NPTN: variants seen among roughly 807,000 people sequenced by gnomAD.
NPTN encodes the protein neuroplastin.
Under a neutral mutation model 42.7 loss-of-function variants are expected in NPTN, and 5 were observed. That is an observed-to-expected ratio of 0.12 (90% CI 0.06 to 0.25). The LOEUF is 0.25. Among genes scored for constraint, NPTN ranks in the 10% least tolerant of loss-of-function variants. The pLI is 1.00. For synonymous variants in NPTN, 180 were observed against 201.9 expected (o/e 0.89, Z 0.92); for missense variants, 307 against 525.4 (o/e 0.58, Z 4.06).
chr15:73,592,690 T>C (rs1040685658), intron 2 of NPTN, among the ~76,000 whole-genome samples: 8 of 152,210 alleles, frequency 5.3e-5, no homozygotes, highest in Admixed American at 4.6e-4. Context: ...AAACTTCCTA[T>C]TGGAAGTCAC....
chr15:73,588,085 CA>C (rs1566970520), intron 3 of NPTN, among the ~76,000 whole-genome samples: 1 of 152,084 alleles, frequency 6.6e-6, no homozygotes, highest in Non-Finnish European at 1.5e-5. Flanking sequence ...ACTAAAACTA[CA>C]AAAATTAGCC....
intron 1 of NPTN, among the ~76,000 whole-genome samples, chr15:73,623,803 A>C: frequency 6.6e-6 from 1 of 152,212 alleles, no homozygotes; most frequent in East Asian, 1.9e-4. Flanking sequence ...CTATGTAAGA[A>C]AGAGATCATT....
chr15:73,626,031 G>A (rs775252471), intron 1 of NPTN, among the ~76,000 whole-genome samples: 1 of 152,162 alleles, frequency 6.6e-6, no homozygotes. Flanking sequence ...TGCCTTCTTC[G>A]ACTATAATGG....
chr15:73,622,867 C>A (rs1898202672), intron 1 of NPTN, among the ~76,000 whole-genome samples: 1 of 152,110 alleles, frequency 6.6e-6, no homozygotes, highest in African/African-American at 2.4e-5. Context: ...CATTTTTGAT[C>A]TGAAATTCAA....
intron 1 of NPTN, among the ~76,000 whole-genome samples, chr15:73,614,068 T>C (rs993268628): frequency 6.6e-6 from 1 of 151,152 alleles, no homozygotes; most frequent in African/African-American, 2.5e-5. Flanking sequence ...TCCCAGAACT[T>C]TGGGAGGCTG....
At chr15:73,580,400 T>A (rs999193915) in intron 4 of NPTN, among the ~76,000 whole-genome samples, 14 of 104,728 alleles carry the variant, frequency 1.3e-4, no homozygotes, top group Non-Finnish European at 2.4e-4. Flanking sequence ...AATATATATA[T>A]TATATATATA....
At chr15:73,622,791 C>G (rs1363702221) in intron 1 of NPTN, among the ~76,000 whole-genome samples, 2 of 152,222 alleles carry the variant, frequency 1.3e-5, no homozygotes, top group African/African-American at 4.8e-5. Flanking sequence ...TAAGTTCTAA[C>G]TGGAAGGCCA....
At chr15:73,562,785 C>T (rs916816040) in intron 7 of NPTN, among the ~76,000 whole-genome samples, 1 of 151,956 alleles carries the variant, frequency 6.6e-6, no homozygotes, top group African/African-American at 2.4e-5. Flanking sequence ...ATACAGGGAC[C>T]CTTTTACTAC....
chr15:73,603,455 A>G (rs1035263892), intron 1 of NPTN, among the ~76,000 whole-genome samples: 5 of 152,244 alleles, frequency 3.3e-5, no homozygotes, highest in African/African-American at 4.8e-5. Flanking sequence ...TGTTAACTGC[A>G]GAAGGGAATG....
Position 73,570,103 on chromosome 15 carries a change from A to C in NPTN, c.1114+47T>G. ...TCTTTGGGTACTTGGAAACCACCCGAAGGAACCAACCCCAGCAGTACAGCT... is the reference window on the plus strand; with the variant it reads ...TCTTTGGGTACTTGGAAACCACCCGCAGGAACCAACCCCAGCAGTACAGCT... On this transcript the variant is annotated intron_variant, in intron 6 of 8. Transcript: ENST00000345330. This position sits in a 1 kb window ranked among gnomAD's most constrained non-coding sequence, Gnocchi z 4.0. The C allele has an allele frequency of 6.5e-7, 1 of 1,535,278 alleles. No homozygotes were observed. The highest frequency in any genetic ancestry group is 8.8e-7 in the Non-Finnish European group (1 of 1,140,390).
chr15:73,609,918 A>G (rs1348623094), intron 1 of NPTN, among the ~76,000 whole-genome samples: 1 of 152,100 alleles, frequency 6.6e-6, no homozygotes, highest in Non-Finnish European at 1.5e-5. Context: ...AGTATTTTCT[A>G]TTTTAGCAAC....
At chr15:73,607,601 G>T (rs1227427740) in intron 1 of NPTN, among the ~76,000 whole-genome samples, 1 of 152,154 alleles carries the variant, frequency 6.6e-6, no homozygotes, top group Non-Finnish European at 1.5e-5. Context: ...TGACCAGAGG[G>T]AAATTCAAGT....
Position 73,633,292 on chromosome 15 carries a change from G to T in NPTN, c.-77C>A. 1 of 977,480 alleles carries T rather than the reference G, an allele frequency of 1.0e-6. No individual in the cohort carries two copies. Among genetic ancestry groups the T allele is most frequent in the Admixed American group, 3.6e-5 (1 of 28,132 alleles). The allele number at this position is 977,480 out of a possible 1,614,324, so 60.6% of individuals were successfully genotyped here. A position where few individuals can be genotyped will look rare whatever the true frequency, so the allele number is the denominator to read the frequency against. On this transcript the variant is annotated 5_prime_UTR_variant, in exon 1 of 9. Coordinates refer to ENST00000345330, the MANE Select transcript of NPTN (RefSeq NM_012428.4). ...CGGGGAAGGGAGGGGAGGGAGGGAG[G>T]GGGCGGGCGAGTGCGCGAGGGAGTG...
intron 1 of NPTN, among the ~76,000 whole-genome samples, chr15:73,604,396 C>A (rs1016387243): frequency 1.6e-4 from 25 of 152,158 alleles, no homozygotes; most frequent in African/African-American, 5.8e-4. Context: ...GTTGAGGCTG[C>A]AGCATGCTGG....
chr15:73,568,314 T>C, intron 6 of NPTN: 1 of 985,440 alleles, frequency 1.0e-6, no homozygotes, highest in Non-Finnish European at 1.2e-6. Context: ...TGCCTTAAAA[T>C]TTAAAAATCA....
chr15:73,580,489 A>T (rs1895964373), intron 4 of NPTN, among the ~76,000 whole-genome samples: 3 of 134,726 alleles, frequency 2.2e-5, no homozygotes, highest in Admixed American at 7.8e-5. Context: ...ATAAATATAT[A>T]TATACATAAA....
rs201362270 is a variant in NPTN at position 73,569,964 on chromosome 15, T to TAAAATA, written c.1114+180_1114+185dup. On this transcript the variant is annotated intron_variant, in intron 6 of 8. Transcript: ENST00000345330. The surrounding 1 kb of genome is among the most constrained non-coding windows in gnomAD (Gnocchi z 4.1). Reference sequence around the variant, plus strand: ...ATGGCTAATGCAAAAAAAATAAAAATAAAATAAAAATAAAAAATAAAAATA... The same window carrying TAAAATA: ...ATGGCTAATGCAAAAAAAATAAAAATAAAATAAAAATAAAAATAAAAAATAAAAATA... Among the ~76,000 whole-genome samples the TAAAATA allele has an allele frequency of 2.6e-5, 4 of 151,852 alleles. No individual in the cohort carries two copies. The South Asian group carries it at 8.3e-4, about 32-fold the overall frequency.
rs61683372 is a variant in NPTN at position 73,619,062 on chromosome 15, CAA to C, written c.91+14061_91+14062del. On this transcript the variant is annotated intron_variant, in intron 1 of 8. Coordinates refer to ENST00000345330, the MANE Select transcript of NPTN (RefSeq NM_012428.4). ...CAAACACAGCAGCAAGACCCTGTCT[CAA>C]AAAAAAAAAAAAAAAAATAGTAACA... 1.6e-3 allele frequency among the ~76,000 whole-genome samples: 96 copies of C among 61,094 alleles called. No homozygotes were observed. The East Asian group carries it at 0.019, about 12-fold the overall frequency. 40.1% of individuals were successfully genotyped at this position (61,094 alleles called of 152,430 possible).
chr15:73,602,174 G>C (rs1595941766), intron 1 of NPTN, among the ~76,000 whole-genome samples: 2 of 9,734 alleles, frequency 2.1e-4, no homozygotes, highest in Non-Finnish European at 0.016. Context: ...TTTACCTCCA[G>C]GGCAACCCAC....
Sources: allele counts gnomAD v4.1 joint callset (sites outside exome capture counted in the v4.1 genomes callset), GRCh38; gene constraint gnomAD v4.1.1; non-coding constraint Gnocchi (gnomAD v3.1); transcripts MANE v1.5; gene names NCBI Gene and HGNC (gene_info 2026-07-23, HGNC 2026-07-21).